BRF1: variants seen among roughly 807,000 people sequenced by gnomAD.
The protein encoded by BRF1 is BRF1 general transcription factor IIIB subunit.
BRF1 carries 59 observed loss-of-function variants against 81.7 expected under a neutral mutation model. The ratio of observed to expected loss-of-function variants is 0.72; its 90% CI spans 0.59 to 0.90. BRF1 has a LOEUF of 0.90. Among genes scored for constraint, BRF1 ranks in the 40% least tolerant of loss-of-function variants. The pLI is 0.00. For synonymous variants in BRF1, 491 were observed against 395.6 expected (o/e 1.24, Z -2.86); for missense variants, 1,050 against 936.3 (o/e 1.12, Z -1.58).
intron 6 of BRF1, among the ~76,000 whole-genome samples, chr14:105,229,526 T>C (rs1053975843): frequency 6.6e-6 from 1 of 152,184 alleles, no homozygotes; most frequent in African/African-American, 2.4e-5. Context: ...GCTGGGGTAG[T>C]TGACCAGGCC....
intron 5 of BRF1, chr14:105,246,936 T>TA: frequency 1.6e-5 from 16 of 985,458 alleles, no homozygotes; most frequent in Non-Finnish European, 1.8e-5. Flanking sequence ...TGTGCTGCTG[T>TA]AAGTTATTCC....
chr14:105,286,679 C>T (rs985834087), intron 1 of BRF1, among the ~76,000 whole-genome samples: 1 of 152,176 alleles, frequency 6.6e-6, no homozygotes, highest in African/African-American at 2.4e-5. Context: ...CATCTCCACT[C>T]ACTGCAAGCT....
intron 3 of BRF1, among the ~76,000 whole-genome samples, chr14:105,257,681 C>T (rs1346690870): frequency 2.6e-5 from 4 of 152,136 alleles, no homozygotes; most frequent in South Asian, 2.1e-4. Flanking sequence ...AGAAGACCGG[C>T]GGCAGGGGTG....
chr14:105,310,193 T>G (rs2058310780), intron 1 of BRF1, among the ~76,000 whole-genome samples: 1 of 152,118 alleles, frequency 6.6e-6, no homozygotes, highest in Non-Finnish European at 1.5e-5. Flanking sequence ...GGGAATTTTT[T>G]AGTGGTCTTA....
chr14:105,267,406 C>T (rs1421992420), intron 3 of BRF1, among the ~76,000 whole-genome samples: 3 of 151,920 alleles, frequency 2.0e-5, no homozygotes, highest in South Asian at 2.1e-4. Context: ...TGGGTTCAAG[C>T]GATCCTCCCA....
chr14:105,295,484 T>C (rs1689758946), intron 1 of BRF1, among the ~76,000 whole-genome samples: 1 of 151,790 alleles, frequency 6.6e-6, no homozygotes, highest in Non-Finnish European at 1.5e-5. Context: ...AGGGCGCACC[T>C]GTAGTACCAG....
rs150226195 is a variant in BRF1, at chr14:105,308,339, A to T, written c.-162+6983T>A. Among the ~76,000 whole-genome samples, 13 of 151,968 alleles carry T rather than the reference A, an allele frequency of 8.6e-5. No individual in the cohort carries two copies. The East Asian group carries it at 2.3e-3, about 27-fold the overall frequency. ...TCTAACAAAAATACAAAAATTAGCC[A>T]GGTGTGGTGGTACATGCCTGTGGTC... On this transcript the variant is annotated intron_variant, in intron 1 of 17. Transcript: ENST00000327359.
intron 15 of BRF1, chr14:105,212,604 C>T (rs914327060): frequency 5.4e-5 from 9 of 165,414 alleles, no homozygotes; most frequent in African/African-American, 1.2e-4. Context: ...GCCTGCTCGC[C>T]GGCCCGCCAC....
At chr14:105,287,903 G>C (rs2140485599) in intron 1 of BRF1, among the ~76,000 whole-genome samples, 1 of 152,370 alleles carries the variant, frequency 6.6e-6, no homozygotes, top group East Asian at 1.9e-4. Context: ...GTGGCACTCA[G>C]CTTTTCCTGG....
intron 1 of BRF1, among the ~76,000 whole-genome samples, chr14:105,311,578 C>A (rs1274773670): frequency 6.6e-6 from 1 of 152,168 alleles, no homozygotes; most frequent in Non-Finnish European, 1.5e-5. Flanking sequence ...TTTTAACTCA[C>A]TATTTCTGCC....
In BRF1 at chr14:105,262,642, G is replaced by A. The variant is rs72711553; in HGVS notation, c.440-6093C>T. 7.4e-3 allele frequency among the ~76,000 whole-genome samples: 1,133 copies of A among 152,306 alleles called. 2 individuals carry two copies. Among genetic ancestry groups the A allele is most frequent in the Middle Eastern group, 0.031 (9 of 294 alleles). On this transcript the variant is annotated intron_variant, in intron 3 of 17. Coordinates refer to ENST00000547530, the MANE Select transcript of BRF1 (RefSeq NM_001519.4). ...TGAAGACTGAGCCTCCCACAGAGCT[G>A]GGAGCCTGGCTCTGTCCCAGCCACA...
intron 3 of BRF1, among the ~76,000 whole-genome samples, chr14:105,263,036 C>T (rs922376968): frequency 6.6e-5 from 10 of 151,876 alleles, no homozygotes; most frequent in Non-Finnish European, 8.8e-5. Flanking sequence ...GTCAAGAGTC[C>T]GAGACCAGCC....
chr14:105,211,735 C>T (rs756491847), intron 16 of BRF1: 7 of 379,418 alleles, frequency 1.8e-5, no homozygotes, highest in Admixed American at 8.2e-5. Context: ...TGGGCCAGAC[C>T]AGTCCCCAAC....
At chr14:105,249,811 G>A (rs1305699789) in intron 5 of BRF1, 3 of 1,613,738 alleles carry the variant, frequency 1.9e-6, no homozygotes, top group Middle Eastern at 3.3e-4. Flanking sequence ...GGCTGTTTGA[G>A]GAGCCCGAGC....
Position 105,249,738 on chromosome 14 carries a change from G to A in BRF1, c.544+2769C>T, listed in dbSNP as rs775145634. 6 of 1,613,948 alleles carry A rather than the reference G, an allele frequency of 3.7e-6. No individual in the cohort carries two copies. The Admixed American group carries it at 1.0e-4, about 27-fold the overall frequency. ...ATCGTCCCAGCATTGGCAAAAGCCT[G>A]TGTCAACTTTCTGGAGACAAGTTTG... On this transcript the variant is annotated intron_variant, in intron 5 of 17. Transcript: ENST00000547530.
intron 11 of BRF1, among the ~76,000 whole-genome samples, chr14:105,220,919 C>T (rs1892180218): frequency 6.6e-6 from 1 of 152,260 alleles, no homozygotes; most frequent in Non-Finnish European, 1.5e-5. Context: ...GCCCCAGGGC[C>T]TGTGCATGTC....
rs371720870 is a variant in BRF1 at position 105,212,370 on chromosome 14, C to T, written c.1773-206G>A. 42 of 608,620 alleles carry T rather than the reference C, an allele frequency of 6.9e-5. No individual in the cohort carries two copies. In the African/African-American group the frequency reaches 7.4e-4, roughly 11 times the overall value. 37.7% of individuals were successfully genotyped at this position (608,620 alleles called of 1,614,324 possible). On this transcript the variant is annotated intron_variant, in intron 15 of 17. Transcript: ENST00000547530. Reference sequence around the variant, plus strand: ...AGCTCTGACCCGTTCACATTCTCAACAGCGAGCAGCACTCGACACAAACAC... The same window carrying T: ...AGCTCTGACCCGTTCACATTCTCAATAGCGAGCAGCACTCGACACAAACAC...
At chr14:105,248,190 A>G in intron 5 of BRF1, 5 of 985,502 alleles carry the variant, frequency 5.1e-6, no homozygotes, top group Non-Finnish European at 6.0e-6. Context: ...TGGCGTCCGT[A>G]GCAAGCTAAA....
intron 1 of BRF1, among the ~76,000 whole-genome samples, chr14:105,293,332 C>T (rs976281263): frequency 4.6e-5 from 7 of 152,196 alleles, no homozygotes; most frequent in African/African-American, 9.6e-5. Context: ...TGACCCCAAA[C>T]GGAAAACAGC....
Sources: gnomAD v4.1 joint callset for allele counts (sites outside exome capture counted in the v4.1 genomes callset) on GRCh38, gnomAD v4.1.1 for gene constraint, MANE v1.5 for transcripts, NCBI Gene and HGNC (gene_info 2026-07-23, HGNC 2026-07-21) for gene names.